The following ZNF609 variants were observed in gnomAD, a reference collection of about 807,000 sequenced individuals.
ZNF609 encodes the protein zinc finger protein 609.
Under a neutral mutation model 109.5 loss-of-function variants are expected in ZNF609, and 11 were observed. The observed-to-expected ratio is 0.10, with a 90% confidence interval of 0.06 to 0.17. The LOEUF (loss-of-function observed/expected upper bound fraction) is 0.17, where lower values mean the gene tolerates loss of function less well. Among genes scored for constraint, ZNF609 ranks in the 10% least tolerant of loss-of-function variants. ZNF609 has a pLI of 1.00. For missense variants in ZNF609, 1,559 were observed against 1,772.4 expected (o/e 0.88, Z 2.16); for synonymous variants, 646 against 662.0 (o/e 0.98, Z 0.37).
chr15:64,474,730 G>T (rs1380790576), intron 1 of ZNF609, among the ~76,000 whole-genome samples: 1 of 152,166 alleles, frequency 6.6e-6, no homozygotes, highest in East Asian at 1.9e-4. Flanking sequence ...ATGAATTTAT[G>T]ATTATGAACT....
intron 2 of ZNF609, among the ~76,000 whole-genome samples, chr15:64,584,597 G>C (rs1413936868): frequency 6.8e-6 from 1 of 147,622 alleles, no homozygotes; most frequent in East Asian, 2.0e-4. Context: ...ACCACACCTG[G>C]TCAGCCACTG....
At chr15:64,616,456 T>C (rs1039707712) in intron 2 of ZNF609, among the ~76,000 whole-genome samples, 3 of 151,574 alleles carry the variant, frequency 2.0e-5, no homozygotes, top group Non-Finnish European at 4.4e-5. Flanking sequence ...CAAGTCCCCA[T>C]TTCTGTGTCA....
intron 2 of ZNF609, among the ~76,000 whole-genome samples, chr15:64,527,361 T>C (rs1340051215): frequency 6.6e-6 from 1 of 151,018 alleles, no homozygotes; most frequent in African/African-American, 2.4e-5. Flanking sequence ...ATTTGATTTG[T>C]GGGGACATGT....
chr15:64,547,592 C>T (rs972299039), intron 2 of ZNF609, among the ~76,000 whole-genome samples: 8 of 151,986 alleles, frequency 5.3e-5, no homozygotes, highest in Non-Finnish European at 1.2e-4. Flanking sequence ...CTTCCTAAAA[C>T]CAGGTTACTC....
intron 1 of ZNF609, among the ~76,000 whole-genome samples, chr15:64,465,285 A>C (rs933474227): frequency 6.6e-6 from 1 of 152,202 alleles, no homozygotes; most frequent in Non-Finnish European, 1.5e-5. Context: ...TGCCTTACTC[A>C]AGTGATTTTG....
chr15:64,676,685 C>T (rs1896814869), intron 5 of ZNF609, among the ~76,000 whole-genome samples: 1 of 152,186 alleles, frequency 6.6e-6, no homozygotes, highest in Non-Finnish European at 1.5e-5. Context: ...CCACCTGCCT[C>T]AGCCTCCCAG....
At chr15:64,589,067 A>G (rs940076386) in intron 2 of ZNF609, among the ~76,000 whole-genome samples, 1 of 152,204 alleles carries the variant, frequency 6.6e-6, no homozygotes, top group African/African-American at 2.4e-5. Context: ...GGGTTGCTCA[A>G]ATGAACACTA....
chr15:64,541,143 TC>T (rs1163011032), intron 2 of ZNF609, among the ~76,000 whole-genome samples: 1 of 151,206 alleles, frequency 6.6e-6, no homozygotes. Flanking sequence ...ATTGCGTTTT[TC>T]TGGCCGGGCG....
intron 1 of ZNF609, among the ~76,000 whole-genome samples, chr15:64,479,284 ATTTTT>A (rs34496032): frequency 1.6e-4 from 14 of 86,528 alleles, no homozygotes; most frequent in African/African-American, 4.1e-4. Flanking sequence ...TACCTGTGTG[ATTTTT>A]TTTTTTTTTT....
At chr15:64,638,609 TA>T in intron 3 of ZNF609, among the ~76,000 whole-genome samples, 1 of 151,958 alleles carries the variant, frequency 6.6e-6, no homozygotes, top group East Asian at 1.9e-4. Flanking sequence ...AAATATATGT[TA>T]GCTGGCCAGG....
chr15:64,529,588 A>G, intron 2 of ZNF609: 10 of 1,359,988 alleles, frequency 7.4e-6, no homozygotes, highest in Non-Finnish European at 1.0e-5. Context: ...AACAATATCC[A>G]CTTTACCAGA....
intron 2 of ZNF609, among the ~76,000 whole-genome samples, chr15:64,598,151 G>A (rs571522200): frequency 1.2e-4 from 19 of 152,280 alleles, no homozygotes; most frequent in African/African-American, 4.3e-4. Context: ...GTCTCGCTCT[G>A]TCACCCAGGC....
At chr15:64,469,634 T>G (rs537976704) in intron 1 of ZNF609, among the ~76,000 whole-genome samples, 1 of 152,208 alleles carries the variant, frequency 6.6e-6, no homozygotes, top group Admixed American at 6.6e-5. Flanking sequence ...TAGGCCATCT[T>G]TTTTTGGAGG....
intron 1 of ZNF609, among the ~76,000 whole-genome samples, chr15:64,498,668 T>A (rs1266274647): frequency 6.6e-6 from 1 of 152,196 alleles, no homozygotes; most frequent in Non-Finnish European, 1.5e-5. Context: ...AGCTGATTGG[T>A]TGAGTCCCCT....
intron 2 of ZNF609, among the ~76,000 whole-genome samples, chr15:64,540,722 T>C (rs1281789803): frequency 6.6e-6 from 1 of 151,406 alleles, no homozygotes; most frequent in Non-Finnish European, 1.5e-5. Context: ...GTTTTTAAAA[T>C]GTAGATTAAA....
intron 2 of ZNF609, among the ~76,000 whole-genome samples, chr15:64,534,982 G>A (rs866418027): frequency 2.0e-5 from 3 of 151,716 alleles, no homozygotes; most frequent in Non-Finnish European, 2.9e-5. Context: ...GCAGTGAGCC[G>A]AGATCATGCC....
At chr15:64,670,496 AC>A in intron 4 of ZNF609, 63 bp downstream of exon 4, 1 of 1,357,972 alleles carries the variant, frequency 7.4e-7, no homozygotes. Flanking sequence ...GATCCCTTAT[AC>A]TTTTATCCTG....
At chr15:64,625,936 TAGAG>T (rs36226491) in intron 3 of ZNF609, among the ~76,000 whole-genome samples, 1,940 of 79,466 alleles carry the variant, frequency 0.024, 47 homozygotes, top group African/African-American at 0.063. Flanking sequence ...TATATATATA[TAGAG>T]AGAGAGAGAG....
Position 64,674,244 on chromosome 15 carries a change from C to T in ZNF609, c.1390C>T (p.Arg464Cys), listed in dbSNP as rs1394449673. 6.2e-6 allele frequency: 10 copies of T among 1,614,056 alleles called. No individual in the cohort carries two copies. The highest frequency in any genetic ancestry group is 4.0e-5 in the African/African-American group (3 of 74,916). Residue 464 changes from arginine (R) to cysteine (C), a missense_variant, in exon 5 of 10, where the codon CGT becomes TGT. By Grantham distance (180) the Arg-to-Cys change is radical. Transcript: ENST00000326648. ...GGACTCCAAAGGGAGCAAGCGTGTC[C>T]GTACTAATTCCATGGGCTCAGCCAC... Reference protein sequence around the residue: ...SEDSKGSKRVRTNSMGSATGP... With the variant: ...SEDSKGSKRVCTNSMGSATGP...
Sources: gnomAD v4.1 joint callset for allele counts (sites outside exome capture counted in the v4.1 genomes callset) on GRCh38, gnomAD v4.1.1 for gene constraint, MANE v1.5 for transcripts, NCBI Gene and HGNC (gene_info 2026-07-23, HGNC 2026-07-21) for gene names.